Variants in KIF5C observed in about 807,000 individuals in gnomAD.
KIF5C encodes kinesin heavy chain isoform 5C.
Under a neutral mutation model 125.2 loss-of-function variants are expected in KIF5C, and 18 were observed. The observed-to-expected ratio is 0.14, with a 90% CI of 0.10 to 0.21. The LOEUF (loss-of-function observed/expected upper bound fraction) is 0.21, where lower values mean the gene tolerates loss of function less well. KIF5C is among the 10% of genes least tolerant of loss of function. The pLI, the probability that KIF5C is intolerant of heterozygous loss-of-function variation, is 1.00. For missense variants in KIF5C, 780 were observed against 1,183.8 expected (o/e 0.66, Z 5.01); for synonymous variants, 405 against 434.0 (o/e 0.93, Z 0.83).
intron 11 of KIF5C, among the ~76,000 whole-genome samples, chr2:148,964,495 C>T (rs73965228): frequency 0.14 from 21,339 of 152,068 alleles, 2,299 homozygotes; most frequent in African/African-American, 0.3. Flanking sequence ...TCCCTCAGGA[C>T]GGTCTGAGCG....
chr2:149,012,870 G>A (rs190981143), intron 25 of KIF5C, among the ~76,000 whole-genome samples: 35 of 152,370 alleles, frequency 2.3e-4, no homozygotes, highest in African/African-American at 8.2e-4. Context: ...GAATGAAACT[G>A]GAAGTTAGAA....
intron 1 of KIF5C, among the ~76,000 whole-genome samples, chr2:148,902,612 C>T (rs930581414): frequency 6.6e-6 from 1 of 152,194 alleles, no homozygotes; most frequent in Non-Finnish European, 1.5e-5. Flanking sequence ...CCACTGCCCT[C>T]GGCCCAGGAA....
chr2:148,902,110 AAAATGG>A (rs1301786013), intron 1 of KIF5C, among the ~76,000 whole-genome samples: 13 of 152,272 alleles, frequency 8.5e-5, no homozygotes, highest in African/African-American at 3.1e-4. Flanking sequence ...GGTCCATAAC[AAAATGG>A]AAATCCTTTC....
chr2:148,985,950 A>G (rs1020746296), intron 15 of KIF5C, among the ~76,000 whole-genome samples: 1 of 152,236 alleles, frequency 6.6e-6, no homozygotes. Flanking sequence ...CAGATACTAT[A>G]GAGTTAATCT....
At chr2:148,974,147 C>T (rs2105147945) in intron 12 of KIF5C, among the ~76,000 whole-genome samples, 3 of 152,330 alleles carry the variant, frequency 2.0e-5, no homozygotes, top group African/African-American at 7.2e-5. Flanking sequence ...CCTTGGAGAA[C>T]ACTGGGAGAA....
At chr2:148,896,719 A>G (rs2105051737) in intron 1 of KIF5C, among the ~76,000 whole-genome samples, 2 of 152,342 alleles carry the variant, frequency 1.3e-5, no homozygotes, top group South Asian at 4.1e-4. Flanking sequence ...TTTGGTAACT[A>G]TCATCCTGTG....
intron 11 of KIF5C, among the ~76,000 whole-genome samples, chr2:148,971,724 G>A (rs572296152): frequency 1.3e-5 from 2 of 152,318 alleles, no homozygotes; most frequent in South Asian, 4.1e-4. Flanking sequence ...AGCATTGGGT[G>A]TTAATTTTAC....
chr2:149,009,756 C>T (rs988427180), intron 23 of KIF5C, among the ~76,000 whole-genome samples: 42 of 152,162 alleles, frequency 2.8e-4, no homozygotes, highest in African/African-American at 9.4e-4. Context: ...CCTTTCAAAC[C>T]GACTTTAAGT....
chr2:149,003,358 A>G (rs532014948), intron 21 of KIF5C, among the ~76,000 whole-genome samples: 146 of 152,374 alleles, frequency 9.6e-4, no homozygotes, highest in African/African-American at 3.2e-3. Context: ...TGCAGGAGAC[A>G]GTGGTGGAAA....
intron 1 of KIF5C, among the ~76,000 whole-genome samples, chr2:148,893,844 A>G (rs1261563060): frequency 1.3e-5 from 2 of 152,350 alleles, no homozygotes; most frequent in South Asian, 4.1e-4. Context: ...TATCGCTTCC[A>G]CCTGAGGACT....
At chr2:148,903,351 A>G (rs1464147495) in intron 1 of KIF5C, among the ~76,000 whole-genome samples, 1 of 152,226 alleles carries the variant, frequency 6.6e-6, no homozygotes, top group Non-Finnish European at 1.5e-5. Flanking sequence ...GTCATGATGC[A>G]AGGCACTCAG....
At chr2:148,929,448 C>A in intron 3 of KIF5C, 94 bp downstream of exon 3, 1 of 750,780 alleles carries the variant, frequency 1.3e-6, no homozygotes, top group Non-Finnish European at 2.2e-6. Flanking sequence ...GCTTTCTTTA[C>A]TGGGAAATAG....
intron 1 of KIF5C, among the ~76,000 whole-genome samples, chr2:148,910,797 C>T (rs1020998122): frequency 3.3e-5 from 5 of 152,182 alleles, no homozygotes; most frequent in Non-Finnish European, 7.3e-5. Context: ...AAGTGGATCA[C>T]TTAGAAGGCC....
intron 21 of KIF5C, among the ~76,000 whole-genome samples, chr2:149,002,395 C>T (rs930453374): frequency 1.2e-4 from 18 of 152,194 alleles, no homozygotes; most frequent in Admixed American, 9.8e-4. Flanking sequence ...CCCTTGCCCA[C>T]ACACGCAGTC....
intron 11 of KIF5C, among the ~76,000 whole-genome samples, chr2:148,966,471 G>C (rs1241620640): frequency 6.6e-6 from 1 of 152,014 alleles, no homozygotes; most frequent in Admixed American, 6.6e-5. Context: ...AGATAATGGA[G>C]ATAACTGAAA....
intron 1 of KIF5C, among the ~76,000 whole-genome samples, chr2:148,902,553 G>C (rs1379425875): frequency 6.6e-6 from 1 of 152,152 alleles, no homozygotes; most frequent in Non-Finnish European, 1.5e-5. Context: ...CTGACCTCAA[G>C]TGATCCACCC....
intron 22 of KIF5C, among the ~76,000 whole-genome samples, chr2:149,006,722 G>A (rs1682021061): frequency 6.6e-6 from 1 of 152,208 alleles, no homozygotes; most frequent in Non-Finnish European, 1.5e-5. Flanking sequence ...GCAATGGCTA[G>A]GCGATTAGGT....
chr2:148,923,610 C>G (rs914567514), intron 2 of KIF5C, among the ~76,000 whole-genome samples: 39 of 152,114 alleles, frequency 2.6e-4, no homozygotes, highest in African/African-American at 8.9e-4. Flanking sequence ...TCGACTCATT[C>G]ATATATTTTT....
intron 25 of KIF5C, among the ~76,000 whole-genome samples, chr2:149,022,466 G>A (rs191729115): frequency 9.9e-5 from 15 of 151,046 alleles, no homozygotes; most frequent in Non-Finnish European, 1.3e-4. Context: ...AAACACTATT[G>A]TGTGAAAAAA....
Sources: gnomAD v4.1 joint callset for allele counts (sites outside exome capture counted in the v4.1 genomes callset) on GRCh38, gnomAD v4.1.1 for gene constraint, MANE v1.5 for transcripts, NCBI Gene and HGNC (gene_info 2026-07-23, HGNC 2026-07-21) for gene names.